Variants in CRB1 observed in about 807,000 individuals in gnomAD.
CRB1 encodes protein crumbs homolog 1.
In CRB1, 83 loss-of-function variants were observed where a neutral mutation model predicts 120.0. That is an observed-to-expected ratio of 0.69 (90% confidence interval 0.58 to 0.83). The LOEUF is 0.83. CRB1 is among the 40% of genes least tolerant of loss of function. The pLI, the probability that CRB1 is intolerant of heterozygous loss-of-function variation, is 0.00. For missense variants in CRB1, 1,699 were observed against 1,687.6 expected (o/e 1.01, Z -0.12); for synonymous variants, 625 against 612.5 (o/e 1.02, Z -0.30).
chr1:197,374,601 A>G (rs1661547516), intron 5 of CRB1, among the ~76,000 whole-genome samples: 1 of 152,156 alleles, frequency 6.6e-6, no homozygotes, highest in African/African-American at 2.4e-5. Flanking sequence ...GGGAGGAATC[A>G]GGGGTCATAG....
intron 1 of CRB1, among the ~76,000 whole-genome samples, chr1:197,307,379 GT>G (rs1361131082): frequency 6.6e-6 from 1 of 152,174 alleles, no homozygotes; most frequent in Non-Finnish European, 1.5e-5. Flanking sequence ...ATTCTGTTAA[GT>G]TTAATGAATA....
intron 5 of CRB1, among the ~76,000 whole-genome samples, chr1:197,419,363 CTTT>C (rs68004200): frequency 5.1e-4 from 65 of 127,244 alleles, no homozygotes; most frequent in Non-Finnish European, 5.6e-4. Context: ...AGATTGGATT[CTTT>C]TTTTTTTTTT....
At chr1:197,327,125 A>AC (rs1558055717) in intron 1 of CRB1, among the ~76,000 whole-genome samples, 4 of 148,656 alleles carry the variant, frequency 2.7e-5, no homozygotes, top group Non-Finnish European at 6.0e-5. Context: ...AAAAAAAAAA[A>AC]AAAAAAACAG....
At chr1:197,249,314 A>G in the CRB1 span, among the ~76,000 whole-genome samples, 72 of 152,050 alleles carry the variant, frequency 4.7e-4, no homozygotes, top group Non-Finnish European at 8.1e-4. Context: ...CTAAACTTGT[A>G]TAACTACAGT....
intron 5 of CRB1, chr1:197,357,879 A>G (rs1195616041): frequency 6.6e-6 from 1 of 152,186 alleles, no homozygotes; most frequent in Non-Finnish European, 1.5e-5. Context: ...GATAAAAAAA[A>G]TGTTTATTTC....
the CRB1 span, among the ~76,000 whole-genome samples, chr1:197,235,333 G>T: frequency 1.3e-5 from 2 of 152,188 alleles, no homozygotes; most frequent in African/African-American, 4.8e-5. Flanking sequence ...CCTGCTAAGA[G>T]ATAGCAGTCA....
chr1:197,278,852 G>C (rs1003872349), intron 1 of CRB1, among the ~76,000 whole-genome samples: 3 of 151,866 alleles, frequency 2.0e-5, no homozygotes, highest in Non-Finnish European at 2.9e-5. Flanking sequence ...AAGGTCCACT[G>C]TTCTCCAGGC....
chr1:197,472,786 C>T (rs986502244), intron 11 of CRB1, among the ~76,000 whole-genome samples: 8 of 152,138 alleles, frequency 5.3e-5, no homozygotes, highest in Admixed American at 1.3e-4. Context: ...TAACCCGAAG[C>T]GCCTCCTTGT....
chr1:197,314,606 T>G (rs1657736951), intron 1 of CRB1, among the ~76,000 whole-genome samples: 1 of 152,222 alleles, frequency 6.6e-6, no homozygotes, highest in Non-Finnish European at 1.5e-5. Flanking sequence ...TTTAAAAGAT[T>G]TGGAATTTTG....
At chr1:197,264,242 C>CT (rs1401657319), upstream of CRB1, among the ~76,000 whole-genome samples, 7 of 152,176 alleles carry the variant, frequency 4.6e-5, no homozygotes, top group Non-Finnish European at 1.0e-4. Flanking sequence ...TTTTCTGTGT[C>CT]TGAGTTGTTT....
intron 11 of CRB1, among the ~76,000 whole-genome samples, chr1:197,473,617 A>AG (rs890922583): frequency 1.7e-5 from 2 of 119,932 alleles, no homozygotes; most frequent in Non-Finnish European, 2.0e-5. Context: ...GTCATTTTTC[A>AG]GAAAAAAAAA....
intron 5 of CRB1, among the ~76,000 whole-genome samples, chr1:197,364,687 G>A (rs1660967566): frequency 6.6e-6 from 1 of 151,660 alleles, no homozygotes. Flanking sequence ...AGCCCATTCA[G>A]GGAGTTACTT....
chr1:197,369,208 T>A (rs775617654), intron 5 of CRB1, among the ~76,000 whole-genome samples: 8 of 152,090 alleles, frequency 5.3e-5, no homozygotes, highest in Non-Finnish European at 8.8e-5. Context: ...ATGTTAATCA[T>A]TAAGTACAAT....
At chr1:197,458,209 T>C (rs1475717178) in intron 11 of CRB1, among the ~76,000 whole-genome samples, 1 of 151,726 alleles carries the variant, frequency 6.6e-6, no homozygotes, top group Non-Finnish European at 1.5e-5. Flanking sequence ...CAAGGAAAAA[T>C]GGGTGGTACC....
intron 1 of CRB1, among the ~76,000 whole-genome samples, chr1:197,289,668 TG>T (rs1340360850): frequency 6.6e-6 from 1 of 151,740 alleles, no homozygotes; most frequent in East Asian, 1.9e-4. Context: ...CTTCTATCAT[TG>T]TTGTCTATTA....
At chr1:197,389,237 C>T (rs1174306389) in intron 5 of CRB1, among the ~76,000 whole-genome samples, 3 of 152,014 alleles carry the variant, frequency 2.0e-5, no homozygotes, top group Non-Finnish European at 2.9e-5. Context: ...GCATTATTCA[C>T]AATAGCCAAA....
At chr1:197,328,119 A>G (rs953777322) in intron 1 of CRB1, among the ~76,000 whole-genome samples, 1 of 152,216 alleles carries the variant, frequency 6.6e-6, no homozygotes, top group African/African-American at 2.4e-5. Context: ...AAAATTCTCT[A>G]TGGTACTTTC....
chr1:197,418,881 A>C (rs1008537515), intron 5 of CRB1, among the ~76,000 whole-genome samples: 8 of 152,164 alleles, frequency 5.3e-5, no homozygotes, highest in African/African-American at 1.9e-4. Context: ...TGTCCAAGTA[A>C]ATTTCTCATA....
the CRB1 span, among the ~76,000 whole-genome samples, chr1:197,255,066 G>A: frequency 1.3e-5 from 2 of 151,946 alleles, no homozygotes; most frequent in Admixed American, 1.3e-4. Context: ...GGTCTCTCAT[G>A]GTCATTTCCT....
Sources: allele counts gnomAD v4.1 joint callset (sites outside exome capture counted in the v4.1 genomes callset), GRCh38; gene constraint gnomAD v4.1.1; transcripts MANE v1.5; gene names NCBI Gene and HGNC (gene_info 2026-07-23, HGNC 2026-07-21).